Variants in ALK observed in about 807,000 individuals in gnomAD.
The protein encoded by ALK is ALK tyrosine kinase receptor.
Under a neutral mutation model 163.1 loss-of-function variants are expected in ALK, and 74 were observed. That is an observed-to-expected ratio of 0.45 (90% CI 0.38 to 0.55). The LOEUF is 0.55. ALK is among the 20% of genes least tolerant of loss of function. ALK has a pLI of 0.00. For synonymous variants in ALK, 960 were observed against 843.2 expected, an observed-to-expected ratio of 1.14 and a Z score of -2.40; for missense variants, 2,063 against 2,105.3, an observed-to-expected ratio of 0.98 and a Z score of 0.39.
At chr2:29,897,826 G>A (rs1216800958) in intron 1 of ALK, among the ~76,000 whole-genome samples, 2 of 152,270 alleles carry the variant, frequency 1.3e-5, no homozygotes, top group Non-Finnish European at 1.5e-5. Flanking sequence ...CCCTGGGTAC[G>A]GTGAGAGTCC....
chr2:29,748,433 T>A (rs1338780389), intron 1 of ALK, among the ~76,000 whole-genome samples: 1 of 152,152 alleles, frequency 6.6e-6, no homozygotes, highest in Non-Finnish European at 1.5e-5. Flanking sequence ...CACCTGGTGA[T>A]CATATTGGAA....
chr2:29,860,615 T>C (rs1298169156), intron 1 of ALK, among the ~76,000 whole-genome samples: 1 of 152,146 alleles, frequency 6.6e-6, no homozygotes, highest in African/African-American at 2.4e-5. Flanking sequence ...TTCTCCAGGA[T>C]AGATCATATG....
intron 3 of ALK, among the ~76,000 whole-genome samples, chr2:29,571,812 C>T (rs1323798659): frequency 1.3e-5 from 2 of 151,912 alleles, no homozygotes; most frequent in Non-Finnish European, 2.9e-5. Context: ...AAACGGGTTT[C>T]ACCATATTGG....
intron 5 of ALK, among the ~76,000 whole-genome samples, chr2:29,354,347 C>T (rs1009608448): frequency 1.3e-5 from 2 of 152,170 alleles, no homozygotes; most frequent in African/African-American, 2.4e-5. Context: ...ATGCATGTGG[C>T]CTTGCTCAAA....
intron 1 of ALK, among the ~76,000 whole-genome samples, chr2:29,734,014 T>C (rs896548763): frequency 1.3e-5 from 2 of 151,914 alleles, no homozygotes; most frequent in African/African-American, 2.4e-5. Flanking sequence ...AAGCTGTCAG[T>C]CTGCGAGCCA....
At position 29,653,033 on chromosome 2, in the gene ALK, G is replaced by A. The variant is rs1198186360; in HGVS notation, c.952+41817C>T. On this transcript the variant is annotated intron_variant, in intron 3 of 28. Transcript: ENST00000389048. ...TAAGGCTTGGACTTAAGACTGGTAG[G>A]AAGCAGGGGCATTTTGGGGACTGAT... 2.6e-5 allele frequency among the ~76,000 whole-genome samples: 4 copies of A among 152,268 alleles called. No homozygotes were observed. In the East Asian group the frequency reaches 7.7e-4, roughly 29 times the overall value.
intron 4 of ALK, among the ~76,000 whole-genome samples, chr2:29,511,678 G>C (rs1573416249): frequency 6.6e-6 from 1 of 152,160 alleles, no homozygotes; most frequent in Admixed American, 6.5e-5. Flanking sequence ...TGGCTGGGTT[G>C]TATGGTAGGC....
chr2:29,775,549 AAC>A (rs1553360214), intron 1 of ALK, among the ~76,000 whole-genome samples: 1 of 151,850 alleles, frequency 6.6e-6, no homozygotes, highest in Admixed American at 6.6e-5. Context: ...AAAAAAAAAA[AAC>A]AAAAACAAAA....
chr2:29,254,509 T>C (rs1482502233), intron 11 of ALK, among the ~76,000 whole-genome samples: 1 of 152,164 alleles, frequency 6.6e-6, no homozygotes, highest in Non-Finnish European at 1.5e-5. Context: ...AGGTGAGACA[T>C]CTGGTGAGGG....
chr2:29,210,174 AGT>A (rs1391548673), intron 24 of ALK, among the ~76,000 whole-genome samples: 3 of 151,982 alleles, frequency 2.0e-5, no homozygotes, highest in Admixed American at 2.0e-4. Context: ...CTAGGTGCTA[AGT>A]GTTGTTGTAA....
intron 8 of ALK, among the ~76,000 whole-genome samples, chr2:29,300,106 G>A (rs1308251922): frequency 3.3e-5 from 5 of 152,182 alleles, no homozygotes; most frequent in African/African-American, 1.2e-4. Flanking sequence ...GCATATGGGT[G>A]GGAGGAGAAC....
intron 1 of ALK, among the ~76,000 whole-genome samples, chr2:29,870,548 A>G (rs1666550851): frequency 6.6e-6 from 1 of 152,224 alleles, no homozygotes; most frequent in Non-Finnish European, 1.5e-5. Context: ...GCCAAACCAT[A>G]TCAACCACCA....
intron 2 of ALK, among the ~76,000 whole-genome samples, chr2:29,698,001 C>T (rs568442367): frequency 9.8e-5 from 15 of 152,314 alleles, no homozygotes; most frequent in African/African-American, 3.4e-4. Flanking sequence ...GAAAAAAATC[C>T]TTCAATTACA....
chr2:29,719,727 A>T (rs1679371184), intron 1 of ALK, among the ~76,000 whole-genome samples: 1 of 152,150 alleles, frequency 6.6e-6, no homozygotes, highest in East Asian at 1.9e-4. Context: ...TCAAAAGACT[A>T]GATCAACTGA....
chr2:29,489,948 A>T (rs537512464), intron 4 of ALK, among the ~76,000 whole-genome samples: 1 of 152,388 alleles, frequency 6.6e-6, no homozygotes, highest in South Asian at 2.1e-4. Flanking sequence ...AGGTATCAGA[A>T]ACATGGTTGT....
chr2:29,737,240 A>G (rs1199152219), intron 1 of ALK, among the ~76,000 whole-genome samples: 2 of 152,158 alleles, frequency 1.3e-5, no homozygotes, highest in Non-Finnish European at 2.9e-5. Flanking sequence ...GAGGCTATAC[A>G]TGAAAATGTT....
chr2:29,856,100 G>C (rs1025680586), intron 1 of ALK, among the ~76,000 whole-genome samples: 1 of 152,076 alleles, frequency 6.6e-6, no homozygotes, highest in African/African-American at 2.4e-5. Flanking sequence ...ATGTATTGAG[G>C]TTCTCTGAGG....
chr2:29,701,859 G>A (rs919202972), intron 2 of ALK, among the ~76,000 whole-genome samples: 2 of 152,186 alleles, frequency 1.3e-5, no homozygotes, highest in Non-Finnish European at 2.9e-5. Context: ...ATGTTACTCA[G>A]ATAGGAAGGG....
At chr2:29,675,407 A>C (rs1158096663) in intron 3 of ALK, among the ~76,000 whole-genome samples, 1 of 152,032 alleles carries the variant, frequency 6.6e-6, no homozygotes, top group Non-Finnish European at 1.5e-5. Context: ...AAGTGAAGGA[A>C]AGAGTGACAA....
Sources: allele counts gnomAD v4.1 joint callset (sites outside exome capture counted in the v4.1 genomes callset), GRCh38; gene constraint gnomAD v4.1.1; transcripts MANE v1.5; gene names NCBI Gene and HGNC (gene_info 2026-07-23, HGNC 2026-07-21).